PALLD: variants seen among roughly 807,000 people sequenced by gnomAD.
PALLD encodes palladin, cytoskeletal associated protein, also known as palladin.
A neutral mutation model predicts 123.5 loss-of-function variants in PALLD; 61 were observed. The ratio of observed to expected loss-of-function variants is 0.49; its 90% CI spans 0.40 to 0.61. PALLD has a LOEUF of 0.61. PALLD is among the 20% of genes least tolerant of loss of function. The pLI is 0.00. For synonymous variants in PALLD, 465 were observed against 496.4 expected, an observed-to-expected ratio of 0.94 and a Z score of 0.84; for missense variants, 1,273 against 1,377.0, an observed-to-expected ratio of 0.92 and a Z score of 1.20.
At chr4:168,740,768 G>C (rs1788247937) in intron 10 of PALLD, among the ~76,000 whole-genome samples, 1 of 152,196 alleles carries the variant, frequency 6.6e-6, no homozygotes, top group African/African-American at 2.4e-5. Flanking sequence ...TCTTTGAATA[G>C]ATTTTCTACT....
chr4:168,864,226 G>A (rs895456412), intron 10 of PALLD: 1 of 152,066 alleles, frequency 6.6e-6, no homozygotes, highest in East Asian at 1.9e-4. Context: ...CTCTCTTCAG[G>A]GAAAAAGTAA....
At chr4:168,834,616 A>G (rs896777739) in intron 10 of PALLD, among the ~76,000 whole-genome samples, 2 of 152,072 alleles carry the variant, frequency 1.3e-5, no homozygotes, top group Non-Finnish European at 2.9e-5. Context: ...GTGTGCCTAT[A>G]ACCCCAGCTA....
chr4:168,598,688 G>T (rs1399673862), intron 2 of PALLD: 4 of 352,272 alleles, frequency 1.1e-5, no homozygotes, highest in South Asian at 2.5e-5. Flanking sequence ...AACTCTCTAG[G>T]TTCCACCTTT....
At chr4:168,708,917 T>G (rs1784465555) in intron 8 of PALLD, 111 bp from the exon 9 acceptor site, 1 of 945,412 alleles carries the variant, frequency 1.1e-6, no homozygotes, top group African/African-American at 1.6e-5. Context: ...AAAGTGAATC[T>G]GTAATAATCA....
chr4:168,777,905 G>T (rs1171550908), intron 10 of PALLD, among the ~76,000 whole-genome samples: 1 of 152,198 alleles, frequency 6.6e-6, no homozygotes, highest in Non-Finnish European at 1.5e-5. Flanking sequence ...CAGGGAGCCA[G>T]CTGCCTCTGC....
At chr4:168,848,212 ACTC>A (rs34523119) in intron 10 of PALLD, among the ~76,000 whole-genome samples, 59,305 of 143,444 alleles carry the variant, frequency 0.41, 14,511 homozygotes, top group African/African-American at 0.7. Flanking sequence ...ACTGAGAGGA[ACTC>A]CTCCACTGTC....
chr4:168,565,964 T>C (rs1427823739), intron 2 of PALLD, among the ~76,000 whole-genome samples: 3 of 151,632 alleles, frequency 2.0e-5, no homozygotes, highest in Non-Finnish European at 4.4e-5. Flanking sequence ...ATGGTGTGGA[T>C]TTTTTTTTCT....
chr4:168,793,689 A>G (rs1737973628), intron 10 of PALLD, among the ~76,000 whole-genome samples: 1 of 152,114 alleles, frequency 6.6e-6, no homozygotes, highest in Admixed American at 6.6e-5. Context: ...TCAACATTGG[A>G]CATGTCGAAC....
intron 10 of PALLD, among the ~76,000 whole-genome samples, chr4:168,796,268 C>A (rs1394875201): frequency 6.6e-6 from 1 of 152,116 alleles, no homozygotes; most frequent in East Asian, 1.9e-4. Flanking sequence ...CTTGCCCAGG[C>A]TGGCCTAATT....
At chr4:168,766,182 G>C (rs7660825) in intron 10 of PALLD, among the ~76,000 whole-genome samples, 4,125 of 152,242 alleles carry the variant, frequency 0.027, 179 homozygotes, top group African/African-American at 0.092. Flanking sequence ...AACCACAATA[G>C]GTTCTTAAGA....
intron 10 of PALLD, among the ~76,000 whole-genome samples, chr4:168,717,080 A>G (rs1785433651): frequency 6.6e-6 from 1 of 152,124 alleles, no homozygotes; most frequent in South Asian, 2.1e-4. Flanking sequence ...ATACCACATA[A>G]TTATTTCCGA....
intron 10 of PALLD, among the ~76,000 whole-genome samples, chr4:168,795,534 G>A (rs1358227669): frequency 6.6e-6 from 1 of 152,182 alleles, no homozygotes; most frequent in Non-Finnish European, 1.5e-5. Context: ...ATTAACATGT[G>A]AGAATCTTCC....
chr4:168,538,024 G>T lies in PALLD; in HGVS notation c.908+25612G>T, dbSNP rs151075498. On this transcript the variant is annotated intron_variant, in intron 2 of 21. Coordinates refer to ENST00000505667, the MANE Select transcript of PALLD (RefSeq NM_001166108.2). The stretch of plus-strand genomic sequence containing the variant: ...TTCTGTGACATATTTTATATTCTTG[G>T]ATCTTTTCCCTGTTTTAACACACAA... Among the ~76,000 whole-genome samples the T allele has an allele frequency of 7.2e-4, 110 of 152,226 alleles. 1 individual carries two copies. Among genetic ancestry groups the T allele is most frequent in the Middle Eastern group, 3.4e-3 (1 of 294 alleles).
chr4:168,565,494 G>A (rs28588792), intron 2 of PALLD, among the ~76,000 whole-genome samples: 2,428 of 152,110 alleles, frequency 0.016, 64 homozygotes, highest in African/African-American at 0.055. Context: ...GAAAGAACAC[G>A]GTGCATTCAT....
chr4:168,668,158 C>T, intron 2 of PALLD, 32 bp from the exon 3 acceptor site: 7 of 1,567,392 alleles, frequency 4.5e-6, no homozygotes, highest in South Asian at 2.2e-5. Context: ...CTTTCTTTCC[C>T]TCCTATCCTT....
chr4:168,580,823 A>T (rs192964279), intron 2 of PALLD, among the ~76,000 whole-genome samples: 1 of 152,182 alleles, frequency 6.6e-6, no homozygotes, highest in Non-Finnish European at 1.5e-5. Flanking sequence ...CTTTGCAGGA[A>T]CATGGATGGT....
Position 168,776,322 on chromosome 4 carries a change from C to G in PALLD, c.1964+64399C>G, listed in dbSNP as rs142929691. ...TAAATTTCATTTCTGATTATTTATTCCTAGTATGTAGAAATACAGTTGACT... is the reference window on the plus strand; with the variant it reads ...TAAATTTCATTTCTGATTATTTATTGCTAGTATGTAGAAATACAGTTGACT... On this transcript the variant is annotated intron_variant, in intron 10 of 21. Transcript: ENST00000505667. 7.7e-3 allele frequency among the ~76,000 whole-genome samples: 1,178 copies of G among 152,164 alleles called. 5 individuals are homozygous for G. The highest frequency in any genetic ancestry group is 0.024 in the Middle Eastern group (7 of 294).
chr4:168,663,948 T>A (rs1004514941), intron 2 of PALLD, among the ~76,000 whole-genome samples: 14 of 152,214 alleles, frequency 9.2e-5, no homozygotes, highest in Admixed American at 2.0e-4. Flanking sequence ...CACATTACTT[T>A]AGAACATGCA....
intron 2 of PALLD, among the ~76,000 whole-genome samples, chr4:168,558,140 C>G (rs1767511104): frequency 6.6e-6 from 1 of 152,126 alleles, no homozygotes. Context: ...ATGAGGTCAC[C>G]TCTCACCCCT....
Sources: allele counts gnomAD v4.1 joint callset (sites outside exome capture counted in the v4.1 genomes callset), GRCh38; gene constraint gnomAD v4.1.1; transcripts MANE v1.5; gene names NCBI Gene and HGNC (gene_info 2026-07-23, HGNC 2026-07-21).